The following PSMB1 variants were observed in gnomAD, a reference collection of about 807,000 sequenced individuals.
PSMB1 encodes proteasome 20S subunit beta 1, also known as proteasome subunit beta type-1.
A neutral mutation model predicts 25.4 loss-of-function variants in PSMB1; 7 were observed. That is an observed-to-expected ratio of 0.28 (90% CI 0.16 to 0.52). The LOEUF (loss-of-function observed/expected upper bound fraction) is 0.52. Ranked by LOEUF, PSMB1 falls within the 20% of genes least tolerant of loss-of-function variation. The probability of loss-of-function intolerance (pLI) is 0.97; values close to 1 mark genes in which losing one functional copy is unlikely to be tolerated. For missense variants in PSMB1, 284 were observed against 302.2 expected, an observed-to-expected ratio of 0.94 and a Z score of 0.45; for synonymous variants, 119 against 115.0, an observed-to-expected ratio of 1.03 and a Z score of -0.22.
intron 2 of PSMB1, among the ~76,000 whole-genome samples, chr6:170,548,354 A>G (rs1395749487): frequency 6.6e-6 from 1 of 152,218 alleles, no homozygotes; most frequent in African/African-American, 2.4e-5. Flanking sequence ...ACCACTGCCA[A>G]TCTGCAGTAT....
intron 2 of PSMB1, among the ~76,000 whole-genome samples, chr6:170,548,498 T>A (rs948870293): frequency 2.0e-5 from 3 of 151,702 alleles, no homozygotes; most frequent in Non-Finnish European, 2.9e-5. Context: ...AACGAATGTT[T>A]CAGGTAAAAA....
At chr6:170,546,998 GAA>G (rs1778827199) in intron 2 of PSMB1, among the ~76,000 whole-genome samples, 1 of 151,996 alleles carries the variant, frequency 6.6e-6, no homozygotes, top group Admixed American at 6.5e-5. Context: ...ACAAGTCACA[GAA>G]AAAAGAGACA....
rs1401054153 is a variant in PSMB1, at chr6:170,537,115, A to G, written c.540+119T>C. The G allele has an allele frequency of 1.5e-5, 11 of 727,896 alleles. No homozygotes were observed. The East Asian group carries it at 1.9e-4, about 13-fold the overall frequency. 45.1% of individuals were successfully genotyped at this position (727,896 alleles called of 1,614,324 possible). The stretch of plus-strand genomic sequence containing the variant: ...CCAAACTCAAACAGTAATTTATAAG[A>G]AAGTCTTTATATCTTGGCTCTCCTA... On this transcript the variant is annotated intron_variant, in intron 5 of 5. Transcript: ENST00000262193.
intron 1 of PSMB1, among the ~76,000 whole-genome samples, chr6:170,552,738 C>T (rs1778927373): frequency 6.6e-6 from 1 of 152,232 alleles, no homozygotes; most frequent in African/African-American, 2.4e-5. Flanking sequence ...CCCTCGCCGG[C>T]TGGCATAAGA....
At chr6:170,547,803 G>A (rs897043199) in intron 2 of PSMB1, among the ~76,000 whole-genome samples, 45 of 150,728 alleles carry the variant, frequency 3.0e-4, no homozygotes, top group African/African-American at 1.0e-3. Flanking sequence ...CCCACAGGAC[G>A]TGGGATGAGG....
intron 1 of PSMB1, among the ~76,000 whole-genome samples, chr6:170,551,559 A>G (rs1048225084): frequency 2.0e-5 from 3 of 152,212 alleles, no homozygotes; most frequent in African/African-American, 7.2e-5. Flanking sequence ...AAGGGATTAA[A>G]AAGTGAGTAA....
chr6:170,551,857 T>C (rs1778907315), intron 1 of PSMB1, among the ~76,000 whole-genome samples: 1 of 152,160 alleles, frequency 6.6e-6, no homozygotes, highest in Non-Finnish European at 1.5e-5. Context: ...AGATGACAGC[T>C]TGCAATTTAC....
At chr6:170,548,771 G>A (rs1778855022) in intron 2 of PSMB1, among the ~76,000 whole-genome samples, 1 of 152,088 alleles carries the variant, frequency 6.6e-6, no homozygotes, top group African/African-American at 2.4e-5. Flanking sequence ...GTAAAATGCT[G>A]GGGTGAACAC....
chr6:170,548,901 C>T, intron 2 of PSMB1, 105 bp downstream of exon 2: 1 of 833,136 alleles, frequency 1.2e-6, no homozygotes, highest in East Asian at 2.7e-5. Context: ...ATGCTCCCAA[C>T]AGCAACTTAA....
rs1778943140 is a variant in PSMB1, at chr6:170,553,263, T to C, written c.-21A>G. ...AACATCGCACGGCTGCGCCTGCGGA[T>C]CCGACACTTGCTGTCTCACGGCGAG... On this transcript the variant is annotated 5_prime_UTR_variant, in exon 1 of 6. Transcript: ENST00000262193. 6.4e-7 allele frequency: 1 copy of C among 1,560,252 alleles called. No individual in the cohort carries two copies. Among genetic ancestry groups the C allele is most frequent in the Non-Finnish European group, 8.8e-7 (1 of 1,137,244 alleles).
intron 1 of PSMB1, chr6:170,549,384 A>C (rs958362832): frequency 1.6e-5 from 6 of 379,436 alleles, no homozygotes; most frequent in Non-Finnish European, 2.4e-5. Flanking sequence ...CCAACACATT[A>C]AATACTTACT....
Position 170,546,092 on chromosome 6 carries a change from AAAGCATC to A in PSMB1, c.303+4_303+10del, listed in dbSNP as rs1167539518. The stretch of plus-strand genomic sequence containing the variant: ...ATTTAAAATAGTGTAGAAATGTACA[AAAGCATC>A]TACCTTTAGTCTTGCTTCAATAATC... On this transcript the variant is annotated splice_donor_5th_base_variant and intron_variant, in intron 3 of 5. Coordinates refer to ENST00000262193, the MANE Select transcript of PSMB1 (RefSeq NM_002793.4). The A allele has an allele frequency of 4.4e-6, 7 of 1,606,170 alleles. No homozygotes were observed. The highest frequency in any genetic ancestry group is 6.0e-6 in the Non-Finnish European group (7 of 1,173,582).
chr6:170,542,277 T>C (rs1040797483), intron 4 of PSMB1, among the ~76,000 whole-genome samples: 2 of 152,100 alleles, frequency 1.3e-5, no homozygotes, highest in African/African-American at 4.8e-5. Context: ...AAGAAAACGC[T>C]CATGGAACAG....
chr6:170,550,268 T>G (rs1476470249), intron 1 of PSMB1: 1 of 152,246 alleles, frequency 6.6e-6, no homozygotes, highest in Non-Finnish European at 1.5e-5. Context: ...CAGGTAATTA[T>G]TCAAATAGTA....
rs144107182 is a variant in PSMB1 at position 170,546,142 on chromosome 6, G to A, written c.264C>T (p.Asp88=). 138 of 1,613,972 alleles carry A rather than the reference G, an allele frequency of 8.6e-5. No individual in the cohort carries two copies. The highest frequency in any genetic ancestry group is 1.2e-4 in the Non-Finnish European group (137 of 1,179,928). Residue 88 remains aspartate (D), a synonymous_variant, in exon 3 of 6, where the codon GAC becomes GAT. Transcript: ENST00000262193. The part of the protein sequence containing the change: ...TVIGCSGFHG[D]CLTLTKIIEA... ...CAATAATCTTTGTCAGCGTAAGACA[G>A]TCTCCATGAAAACCGCTGCATCCAA...
At chr6:170,549,712 C>A (rs1459378707) in intron 1 of PSMB1, 3 of 152,204 alleles carry the variant, frequency 2.0e-5, no homozygotes, top group African/African-American at 7.2e-5. Flanking sequence ...CTAATTCTGG[C>A]TTTCCCGTTT....
intron 4 of PSMB1, among the ~76,000 whole-genome samples, chr6:170,542,406 C>T (rs1387545130): frequency 6.6e-6 from 1 of 152,126 alleles, no homozygotes; most frequent in Non-Finnish European, 1.5e-5. Context: ...CTTTCTGTGT[C>T]CAACTGAGAT....
At chr6:170,551,592 G>T (rs1286052999) in intron 1 of PSMB1, among the ~76,000 whole-genome samples, 1 of 151,866 alleles carries the variant, frequency 6.6e-6, no homozygotes, top group African/African-American at 2.4e-5. Flanking sequence ...ACTGAACACT[G>T]AAAATTCTTA....
chr6:170,544,601 A>G (rs1778794671), intron 3 of PSMB1, among the ~76,000 whole-genome samples: 1 of 152,098 alleles, frequency 6.6e-6, no homozygotes, highest in Admixed American at 6.5e-5. Context: ...TGTAATCCCA[A>G]CTGAGGCGGG....
Sources: allele counts gnomAD v4.1 joint callset (sites outside exome capture counted in the v4.1 genomes callset), GRCh38; gene constraint gnomAD v4.1.1; transcripts MANE v1.5; gene names NCBI Gene and HGNC (gene_info 2026-07-23, HGNC 2026-07-21).